ADAMTS17: variants seen among roughly 807,000 people sequenced by gnomAD.
The protein encoded by ADAMTS17 is A disintegrin and metalloproteinase with thrombospondin motifs 17.
Under a neutral mutation model 141.5 loss-of-function variants are expected in ADAMTS17, and 113 were observed. The ratio of observed to expected loss-of-function variants is 0.80; its 90% CI spans 0.69 to 0.93. ADAMTS17 has a LOEUF of 0.93. Ranked by LOEUF, ADAMTS17 falls within the 40% of genes least tolerant of loss-of-function variation. The pLI is 0.00. For missense variants in ADAMTS17, 1,659 were observed against 1,517.9 expected (o/e 1.09, Z -1.54); for synonymous variants, 768 against 630.6 (o/e 1.22, Z -3.27).
intron 14 of ADAMTS17, among the ~76,000 whole-genome samples, chr15:100,099,022 T>C (rs1381740132): frequency 1.3e-5 from 2 of 152,224 alleles, no homozygotes; most frequent in South Asian, 2.1e-4. Context: ...CCTGGTTCCT[T>C]GTCCTGCACC....
chr15:99,986,157 G>A (rs1596158642), intron 20 of ADAMTS17, among the ~76,000 whole-genome samples: 1 of 152,026 alleles, frequency 6.6e-6, no homozygotes, highest in Non-Finnish European at 1.5e-5. Flanking sequence ...TGCAGGGTGG[G>A]GCAGGGGGGT....
At chr15:100,286,236 G>A (rs868133769) in intron 3 of ADAMTS17, among the ~76,000 whole-genome samples, 8 of 152,258 alleles carry the variant, frequency 5.3e-5, no homozygotes, top group Middle Eastern at 6.8e-3. Context: ...ACGTGAATGT[G>A]CATGTGCACC....
At chr15:100,235,225 G>A (rs988994295) in intron 7 of ADAMTS17, among the ~76,000 whole-genome samples, 2 of 152,154 alleles carry the variant, frequency 1.3e-5, no homozygotes, top group South Asian at 2.1e-4. Context: ...GATTCCATGT[G>A]CTAGAAAAGC....
chr15:100,258,516 G>A (rs1596379142), intron 6 of ADAMTS17, among the ~76,000 whole-genome samples: 1 of 152,212 alleles, frequency 6.6e-6, no homozygotes, highest in Non-Finnish European at 1.5e-5. Flanking sequence ...CACAATCATG[G>A]TGGAAGGCGA....
At chr15:100,230,003 G>C (rs1451753097) in intron 7 of ADAMTS17, among the ~76,000 whole-genome samples, 1 of 152,178 alleles carries the variant, frequency 6.6e-6, no homozygotes, top group Non-Finnish European at 1.5e-5. Flanking sequence ...ACATCAACTA[G>C]CTCCAACTCA....
At chr15:100,292,195 G>T (rs1161218877) in intron 3 of ADAMTS17, among the ~76,000 whole-genome samples, 2 of 129,664 alleles carry the variant, frequency 1.5e-5, no homozygotes, top group Non-Finnish European at 3.3e-5. Flanking sequence ...ACCCCGTGGG[G>T]AATCACGAGA....
chr15:100,177,964 T>C (rs1021680385), intron 8 of ADAMTS17, among the ~76,000 whole-genome samples: 1 of 151,940 alleles, frequency 6.6e-6, no homozygotes, highest in Non-Finnish European at 1.5e-5. Context: ...CTTTTTCTGA[T>C]ATTAATATAG....
chr15:100,119,586 C>G (rs139324775), intron 12 of ADAMTS17, among the ~76,000 whole-genome samples: 2 of 152,178 alleles, frequency 1.3e-5, no homozygotes, highest in Non-Finnish European at 2.9e-5. Flanking sequence ...CTGCCTAACC[C>G]GCACACAACA....
intron 12 of ADAMTS17, among the ~76,000 whole-genome samples, chr15:100,130,612 C>A (rs948864011): frequency 1.3e-5 from 2 of 152,114 alleles, no homozygotes; most frequent in African/African-American, 4.8e-5. Context: ...ATTCCTGGGC[C>A]CCACCCTTAG....
chr15:100,275,752 C>A (rs1391109933), intron 4 of ADAMTS17, among the ~76,000 whole-genome samples: 1 of 151,838 alleles, frequency 6.6e-6, no homozygotes, highest in African/African-American at 2.4e-5. Context: ...GCTGGTGCAT[C>A]ATAAGCAGTC....
At chr15:100,249,884 C>T (rs2043100186) in intron 7 of ADAMTS17, among the ~76,000 whole-genome samples, 1 of 152,044 alleles carries the variant, frequency 6.6e-6, no homozygotes, top group Admixed American at 6.6e-5. Context: ...AACAGGTTAC[C>T]CTGGGGGGAC....
chr15:100,289,553 C>T lies in ADAMTS17; in HGVS notation c.617-8152G>A, dbSNP rs1473220578. 3.4e-5 allele frequency among the ~76,000 whole-genome samples: 5 copies of T among 146,024 alleles called. No individual in the cohort carries two copies. The East Asian group carries it at 9.7e-4, about 28-fold the overall frequency. On this transcript the variant is annotated intron_variant, in intron 3 of 21. Transcript: ENST00000268070. ...ACATACACACATACACACACTCACA[C>T]ACACACACACACACACACTCTTAAG...
intron 18 of ADAMTS17, among the ~76,000 whole-genome samples, chr15:100,028,594 C>G (rs973838664): frequency 1.3e-5 from 2 of 152,228 alleles, no homozygotes; most frequent in African/African-American, 4.8e-5. Context: ...ATTTATTTCT[C>G]TTAGCTCGCA....
chr15:100,103,649 GCTCACTGCAAC>G (rs2036253875), intron 14 of ADAMTS17, among the ~76,000 whole-genome samples: 1 of 151,818 alleles, frequency 6.6e-6, no homozygotes, highest in Admixed American at 6.6e-5. Flanking sequence ...TGCGATCTTG[GCTCACTGCAAC>G]CTCCACTGCC....
At chr15:100,306,988 GGA>G (rs2045248352) in intron 3 of ADAMTS17, among the ~76,000 whole-genome samples, 1 of 152,164 alleles carries the variant, frequency 6.6e-6, no homozygotes, top group Non-Finnish European at 1.5e-5. Flanking sequence ...ACCATGGCAG[GGA>G]CTGAGGAGCA....
chr15:100,082,766 C>CTTTT (rs71151935), intron 15 of ADAMTS17, among the ~76,000 whole-genome samples: 3 of 123,278 alleles, frequency 2.4e-5, no homozygotes, highest in African/African-American at 6.1e-5. Context: ...TCTCGTTAGT[C>CTTTT]TTTTTTTTTT....
intron 8 of ADAMTS17, among the ~76,000 whole-genome samples, chr15:100,196,550 G>A (rs971764091): frequency 2.0e-5 from 3 of 152,258 alleles, no homozygotes; most frequent in African/African-American, 4.8e-5. Flanking sequence ...AGGCACACAC[G>A]CACATACCTT....
chr15:100,067,964 C>T (rs563139329), intron 15 of ADAMTS17, among the ~76,000 whole-genome samples: 1 of 152,186 alleles, frequency 6.6e-6, no homozygotes, highest in Non-Finnish European at 1.5e-5. Context: ...CATCCCATCA[C>T]CCGGGAAGCG....
intron 3 of ADAMTS17, among the ~76,000 whole-genome samples, chr15:100,312,191 G>A (rs1209017264): frequency 3.9e-5 from 6 of 152,214 alleles, no homozygotes; most frequent in Non-Finnish European, 5.9e-5. Flanking sequence ...AGATGCACAC[G>A]TTATCCTGGA....
Sources: gnomAD v4.1 joint callset for allele counts (sites outside exome capture counted in the v4.1 genomes callset) on GRCh38, gnomAD v4.1.1 for gene constraint, MANE v1.5 for transcripts, NCBI Gene and HGNC (gene_info 2026-07-23, HGNC 2026-07-21) for gene names.